The following ACACB variants were observed in gnomAD, a reference collection of about 807,000 sequenced individuals.
ACACB encodes acetyl-CoA carboxylase 2.
Under a neutral mutation model 278.8 loss-of-function variants are expected in ACACB, and 209 were observed. The observed-to-expected ratio is 0.75, with a 90% CI of 0.67 to 0.84. The LOEUF (loss-of-function observed/expected upper bound fraction) is 0.84, where lower values mean the gene tolerates loss of function less well. Ranked by LOEUF, ACACB falls within the 40% of genes least tolerant of loss-of-function variation. ACACB has a pLI of 0.00. For missense variants in ACACB, 2,850 were observed against 3,269.0 expected, an observed-to-expected ratio of 0.87 and a Z score of 3.13; for synonymous variants, 1,174 against 1,285.6, an observed-to-expected ratio of 0.91 and a Z score of 1.86.
intron 2 of ACACB, among the ~76,000 whole-genome samples, chr12:109,147,222 T>TTTTG (rs199885303): frequency 4.4e-4 from 67 of 151,890 alleles, no homozygotes; most frequent in Admixed American, 1.3e-3. Flanking sequence ...TTATGTCTGT[T>TTTTG]TTTGTTTGTT....
chr12:109,162,414 C>T (rs1194498761), intron 2 of ACACB, among the ~76,000 whole-genome samples: 1 of 152,128 alleles, frequency 6.6e-6, no homozygotes, highest in Non-Finnish European at 1.5e-5. Context: ...GGCATAGTGT[C>T]TGGCAGCAAG....
At chr12:109,226,807 A>G (rs911555549) in intron 27 of ACACB, among the ~76,000 whole-genome samples, 2 of 152,112 alleles carry the variant, frequency 1.3e-5, no homozygotes, top group Non-Finnish European at 2.9e-5. Context: ...AGCCAAGATG[A>G]TATGTCCCAC....
rs1275558780 is a variant in ACACB at position 109,139,898 on chromosome 12, T to C, written c.493T>C (p.Phe165Leu). The stretch of plus-strand genomic sequence containing the variant: ...CATCAAGAGGCAGCTGATGACCAAC[T>C]TCATCCTGGGCTCTTTTGATGACTA... ...ANIKRQLMTN[F>L]ILGSFDDYSS... is the part of the protein sequence containing the mutation. Residue 165 changes from phenylalanine to leucine, a missense_variant, in exon 2 of 53, where the codon TTC becomes CTC. Physicochemically the swap from Phe to Leu is conservative, Grantham distance 22 (BLOSUM62 0). Around this residue, in one of 3 missense-constraint regions of ACACB, gnomAD observed 2,265 missense variants for 2,561.3 expected, o/e 0.88. Coordinates refer to ENST00000338432, the MANE Select transcript of ACACB (RefSeq NM_001093.4). 1 of 1,614,116 alleles carries C rather than the reference T, an allele frequency of 6.2e-7. No homozygotes were observed. The highest frequency in any genetic ancestry group is 2.2e-5 in the East Asian group (1 of 44,874).
Position 109,241,284 on chromosome 12 carries a change from A to G in ACACB, c.5022+3A>G, listed in dbSNP as rs777606486. ...TGACTGACTCCAGATCTGGAAATGT[A>G]AGGCTGGCCCGCGCCGTGGGGGTCT... On this transcript the variant is annotated splice_donor_region_variant and intron_variant, in intron 36 of 52. Coordinates refer to ENST00000338432, the MANE Select transcript of ACACB (RefSeq NM_001093.4). 1 of 1,613,972 alleles carries G rather than the reference A, an allele frequency of 6.2e-7. No homozygotes were observed. Among genetic ancestry groups the G allele is most frequent in the South Asian group, 1.1e-5 (1 of 91,086 alleles).
At chr12:109,149,843 C>G (rs1035482813) in intron 2 of ACACB, among the ~76,000 whole-genome samples, 3 of 152,152 alleles carry the variant, frequency 2.0e-5, no homozygotes, top group Admixed American at 6.6e-5. Flanking sequence ...GTCTGAGAGC[C>G]CACAGGCCAG....
chr12:109,158,915 C>G (rs913098368), intron 2 of ACACB, among the ~76,000 whole-genome samples: 1 of 152,210 alleles, frequency 6.6e-6, no homozygotes, highest in Non-Finnish European at 1.5e-5. Flanking sequence ...GTGGAGGTAG[C>G]AGTGAGCTGA....
Position 109,137,899 on chromosome 12 carries a change from C to CTTT in ACACB, c.-9-1489_-9-1487dup, listed in dbSNP as rs199706198. On this transcript the variant is annotated intron_variant, in intron 1 of 52. Coordinates refer to ENST00000338432, the MANE Select transcript of ACACB (RefSeq NM_001093.4). ...CCTCCTGGGCTTTTCTTTTCTTTTT[C>CTTT]TTTTTTTTTTTGTTTTTGAGACCAA... 1.1e-3 allele frequency among the ~76,000 whole-genome samples: 156 copies of CTTT among 145,338 alleles called. 2 individuals carry two copies. Among genetic ancestry groups the CTTT allele is most frequent in the African/African-American group, 3.4e-3 (134 of 39,608 alleles).
chr12:109,131,045 G>C (rs150966843), intron 1 of ACACB, among the ~76,000 whole-genome samples: 1 of 152,314 alleles, frequency 6.6e-6, no homozygotes, highest in Non-Finnish European at 1.5e-5. Context: ...GGGCAAGAGG[G>C]CAATTGCATG....
chr12:109,135,754 T>C (rs922124426), intron 1 of ACACB, among the ~76,000 whole-genome samples: 2 of 151,990 alleles, frequency 1.3e-5, no homozygotes, highest in Non-Finnish European at 2.9e-5. Flanking sequence ...TTTTTATTCT[T>C]GTGCATGTGG....
rs2045514054 is a variant in ACACB at position 109,206,433 on chromosome 12, A to AAAAAAAAAAAAAAAAC, written c.2914-266_2914-265insAAAACAAAAAAAAAAA. Among the ~76,000 whole-genome samples the AAAAAAAAAAAAAAAAC allele has an allele frequency of 1.3e-5, 2 of 151,352 alleles. 1 individual carries two copies. Among genetic ancestry groups the AAAAAAAAAAAAAAAAC allele is most frequent in the Non-Finnish European group, 2.9e-5 (2 of 67,870 alleles). On this transcript the variant is annotated intron_variant, in intron 19 of 52. Transcript: ENST00000338432. ...TGGGGACAATGCGAGTGTCTCAAAAAAAAAAAAAAAACAGATCTCACCGCC... is the reference window on the plus strand; with the variant it reads ...TGGGGACAATGCGAGTGTCTCAAAAAAAAAAAAAAAAAAAACAAAAAAAAAAACAGATCTCACCGCC...
At chr12:109,126,514 C>A (rs1057086140) in intron 1 of ACACB, among the ~76,000 whole-genome samples, 2 of 152,226 alleles carry the variant, frequency 1.3e-5, no homozygotes, top group South Asian at 2.1e-4. Flanking sequence ...AAGACCCTAT[C>A]TCTACAAAAT....
At chr12:109,156,055 C>T (rs1481442143) in intron 2 of ACACB, among the ~76,000 whole-genome samples, 2 of 152,110 alleles carry the variant, frequency 1.3e-5, no homozygotes, top group Non-Finnish European at 2.9e-5. Context: ...AATGGGTGCA[C>T]CTTAAAATGT....
rs1178763668 is a variant in ACACB, at chr12:109,260,254, C to T, written c.6497-226C>T. On this transcript the variant is annotated intron_variant, in intron 47 of 52. Transcript: ENST00000338432. The stretch of plus-strand genomic sequence containing the variant: ...GAAAGAATCCTAGAGATTGGTTTTT[C>T]CCTGTGCCTTCACAGATGAGGCCAC... 6.9e-6 allele frequency: 9 copies of T among 1,304,452 alleles called. No homozygotes were observed. In the Admixed American group the frequency reaches 9.1e-5, roughly 13 times the overall value. The allele number at this position is 1,304,452 out of a possible 1,614,324, so 80.8% of individuals were successfully genotyped here. A position where few individuals can be genotyped will look rare whatever the true frequency, so the allele number is the denominator to read the frequency against.
In ACACB at chr12:109,144,094, C is replaced by T. The variant is rs568479420; in HGVS notation, c.653+4036C>T. 2.0e-5 allele frequency among the ~76,000 whole-genome samples: 3 copies of T among 152,236 alleles called. No homozygotes were observed. In the East Asian group the frequency reaches 5.8e-4, roughly 29 times the overall value. ...TTGGGAGGCTGAGGTGGGTGGATTG[C>T]CTGAGCTCAGGAGTTCAAGACCAGC... On this transcript the variant is annotated intron_variant, in intron 2 of 52. Coordinates refer to ENST00000338432, the MANE Select transcript of ACACB (RefSeq NM_001093.4).
intron 18 of ACACB, among the ~76,000 whole-genome samples, chr12:109,200,155 A>G (rs191562299): frequency 3.4e-4 from 51 of 152,052 alleles, no homozygotes; most frequent in African/African-American, 1.0e-3. Flanking sequence ...TAACTGTTCT[A>G]TAAACTGTTG....
At position 109,176,037 on chromosome 12, in the gene ACACB, G is replaced by A; in HGVS notation, c.1323G>A (p.Leu441=). 1 of 1,614,068 alleles carries A rather than the reference G, an allele frequency of 6.2e-7. No homozygotes were observed. Among genetic ancestry groups the A allele is most frequent in the African/African-American group, 1.3e-5 (1 of 75,050 alleles). The change falls in exon 8 of 53, where the codon TTG becomes TTA. Residue 441 remains leucine, a synonymous_variant. Coordinates refer to ENST00000338432, the MANE Select transcript of ACACB (RefSeq NM_001093.4). ...GCGTGAAAGACGTAGATGAGGGCTT[G>A]GAGGTAAATGCAGAGCCTGTGGGGG... is the stretch of plus-strand genomic sequence containing the variant. ...KGCVKDVDEG[L]EAAERIGFPL...
At chr12:109,261,795 C>T (rs1268720573) in intron 48 of ACACB, among the ~76,000 whole-genome samples, 7 of 148,788 alleles carry the variant, frequency 4.7e-5, no homozygotes, top group Middle Eastern at 3.5e-3. Context: ...CACTTGAACC[C>T]GGGAGGCAGA....
chr12:109,255,666 T>A (rs2047207192), intron 44 of ACACB, among the ~76,000 whole-genome samples: 1 of 152,250 alleles, frequency 6.6e-6, no homozygotes, highest in Non-Finnish European at 1.5e-5. Flanking sequence ...GTCATTGACA[T>A]CATCATATTC....
intron 17 of ACACB, among the ~76,000 whole-genome samples, chr12:109,198,560 G>A (rs1462268784): frequency 6.6e-6 from 1 of 152,130 alleles, no homozygotes; most frequent in Non-Finnish European, 1.5e-5. Flanking sequence ...GCCAAGTGTG[G>A]TGGCGTGTGC....
Sources: allele counts gnomAD v4.1 joint callset (sites outside exome capture counted in the v4.1 genomes callset), GRCh38; gene constraint gnomAD v4.1.1; regional missense constraint gnomAD v4.1.1; transcripts MANE v1.5; gene names NCBI Gene and HGNC (gene_info 2026-07-23, HGNC 2026-07-21).